SUCLG2: variants seen among roughly 807,000 people sequenced by gnomAD.
SUCLG2 encodes succinate--CoA ligase [GDP-forming] subunit beta, mitochondrial.
A neutral mutation model predicts 47.9 loss-of-function variants in SUCLG2; 42 were observed. The observed-to-expected ratio is 0.88, with a 90% CI of 0.69 to 1.14. SUCLG2 has a LOEUF of 1.14. SUCLG2 is among the 50% of genes most tolerant of loss of function. The pLI is 0.00. For missense variants in SUCLG2, 571 were observed against 525.9 expected (o/e 1.09, Z -0.84); for synonymous variants, 195 against 197.3 (o/e 0.99, Z 0.10).
chr3:67,496,630 C>G (rs1705347506), intron 8 of SUCLG2, among the ~76,000 whole-genome samples: 1 of 152,178 alleles, frequency 6.6e-6, no homozygotes, highest in South Asian at 2.1e-4. Context: ...AGCAACCCAA[C>G]CGTTAAAACT....
intron 2 of SUCLG2, among the ~76,000 whole-genome samples, chr3:67,586,676 G>A (rs559503021): frequency 6.6e-6 from 1 of 152,282 alleles, no homozygotes; most frequent in African/African-American, 2.4e-5. Flanking sequence ...AAATGCTCTA[G>A]ACCAAAGTTC....
chr3:67,557,276 T>C (rs1707187174), intron 2 of SUCLG2, among the ~76,000 whole-genome samples: 1 of 152,188 alleles, frequency 6.6e-6, no homozygotes. Context: ...AGACGTAACA[T>C]GGCTCTTAGC....
At chr3:67,397,774 A>G (rs1702581151) in intron 10 of SUCLG2, among the ~76,000 whole-genome samples, 1 of 152,232 alleles carries the variant, frequency 6.6e-6, no homozygotes. Context: ...AAACTATACT[A>G]CAAGGCTACA....
chr3:67,589,737 G>C (rs759128412), intron 2 of SUCLG2, among the ~76,000 whole-genome samples: 1 of 152,202 alleles, frequency 6.6e-6, no homozygotes, highest in East Asian at 1.9e-4. Flanking sequence ...GAGGTGGATG[G>C]ACCTGAACAC....
chr3:67,454,857 G>A (rs933009299), intron 9 of SUCLG2, among the ~76,000 whole-genome samples: 5 of 151,380 alleles, frequency 3.3e-5, no homozygotes, highest in Non-Finnish European at 7.4e-5. Context: ...AGCTACTTGA[G>A]AGACTGAGGC....
intron 10 of SUCLG2, among the ~76,000 whole-genome samples, chr3:67,395,259 T>C (rs1702496850): frequency 6.6e-6 from 1 of 152,068 alleles, no homozygotes; most frequent in African/African-American, 2.4e-5. Context: ...CCCATCAGTG[T>C]GCTGTATTCA....
chr3:67,387,221 A>G (rs1702278656), intron 10 of SUCLG2, among the ~76,000 whole-genome samples: 1 of 152,220 alleles, frequency 6.6e-6, no homozygotes, highest in South Asian at 2.1e-4. Flanking sequence ...TAAAAGTAAT[A>G]AAAGGAAAAT....
At chr3:67,578,915 G>C (rs1351284753) in intron 2 of SUCLG2, among the ~76,000 whole-genome samples, 2 of 152,182 alleles carry the variant, frequency 1.3e-5, no homozygotes, top group Non-Finnish European at 2.9e-5. Context: ...GGCCAAGGGA[G>C]GTTGGGGTGA....
intron 1 of SUCLG2, among the ~76,000 whole-genome samples, chr3:67,635,816 C>T (rs1388848731): frequency 6.6e-5 from 10 of 152,214 alleles, no homozygotes; most frequent in Non-Finnish European, 1.2e-4. Context: ...AAACTCAAAG[C>T]AGGCCTTTTG....
intron 10 of SUCLG2, among the ~76,000 whole-genome samples, chr3:67,393,168 C>T (rs1008605049): frequency 2.0e-4 from 31 of 152,294 alleles, no homozygotes; most frequent in Admixed American, 5.9e-4. Flanking sequence ...AGACAGTGGG[C>T]GCAGGACAGT....
At chr3:67,392,993 T>C (rs1023080702) in intron 10 of SUCLG2, among the ~76,000 whole-genome samples, 2 of 151,996 alleles carry the variant, frequency 1.3e-5, no homozygotes, top group African/African-American at 4.8e-5. Context: ...CACTGTACTT[T>C]TTACTACCAC....
chr3:67,448,788 G>A (rs1703987551), intron 9 of SUCLG2, among the ~76,000 whole-genome samples: 1 of 152,046 alleles, frequency 6.6e-6, no homozygotes. Flanking sequence ...TGTTTAAACT[G>A]CATGAAAAAA....
chr3:67,600,750 C>G (rs945698584), intron 2 of SUCLG2, among the ~76,000 whole-genome samples: 18 of 152,278 alleles, frequency 1.2e-4, no homozygotes, highest in African/African-American at 4.3e-4. Context: ...TACATGCAAT[C>G]CTCCATGGTT....
At chr3:67,451,865 T>G (rs546076327) in intron 9 of SUCLG2, among the ~76,000 whole-genome samples, 1 of 152,252 alleles carries the variant, frequency 6.6e-6, no homozygotes, top group African/African-American at 2.4e-5. Flanking sequence ...AAGAACCTGA[T>G]GTGTAGTGTT....
intron 4 of SUCLG2, among the ~76,000 whole-genome samples, chr3:67,525,274 T>C (rs1208450206): frequency 6.6e-6 from 1 of 152,214 alleles, no homozygotes; most frequent in Non-Finnish European, 1.5e-5. Flanking sequence ...AAGATAAAAT[T>C]GTTCTAGATT....
At position 67,387,756 on chromosome 3, in the gene SUCLG2, TAAG is replaced by T. The variant is rs1221510968; in HGVS notation, c.1184-11900_1184-11898del. Among the ~76,000 whole-genome samples the T allele has an allele frequency of 4.6e-5, 7 of 152,204 alleles. No individual in the cohort carries two copies. The East Asian group carries it at 1.2e-3, about 25-fold the overall frequency. On this transcript the variant is annotated intron_variant, in intron 10 of 10. Coordinates refer to ENST00000307227, the MANE Select transcript of SUCLG2 (RefSeq NM_003848.4). Reference sequence around the variant, plus strand: ...TGCATCAGAGGTCTATCTGAGATACTAAGAAGAAGATTTGACATTTCTAAATTT... The same window carrying T: ...TGCATCAGAGGTCTATCTGAGATACTAAGAAGATTTGACATTTCTAAATTT...
At chr3:67,555,058 T>C (rs1196078676) in intron 2 of SUCLG2, among the ~76,000 whole-genome samples, 1 of 152,036 alleles carries the variant, frequency 6.6e-6, no homozygotes, top group Non-Finnish European at 1.5e-5. Context: ...GCACGGGGGT[T>C]GTGGGCAGAA....
intron 9 of SUCLG2, among the ~76,000 whole-genome samples, chr3:67,431,374 G>A (rs1703474969): frequency 6.6e-6 from 1 of 152,158 alleles, no homozygotes; most frequent in East Asian, 1.9e-4. Context: ...CTCAATAGAT[G>A]CAGAAAAGGC....
intron 10 of SUCLG2, among the ~76,000 whole-genome samples, chr3:67,386,965 G>A (rs1702273506): frequency 6.6e-6 from 1 of 152,162 alleles, no homozygotes; most frequent in Non-Finnish European, 1.5e-5. Context: ...GTTGTTCTCT[G>A]TGCTTGCCTC....
Sources: gnomAD v4.1 joint callset for allele counts (sites outside exome capture counted in the v4.1 genomes callset) on GRCh38, gnomAD v4.1.1 for gene constraint, MANE v1.5 for transcripts, NCBI Gene and HGNC (gene_info 2026-07-23, HGNC 2026-07-21) for gene names.